Variants in CDH23 observed in about 807,000 individuals in gnomAD.
The protein encoded by CDH23 is cadherin-23.
A neutral mutation model predicts 317.1 loss-of-function variants in CDH23; 189 were observed. The observed-to-expected ratio is 0.60, with a 90% CI of 0.53 to 0.67. CDH23 has a LOEUF of 0.67. CDH23 is among the 30% of genes least tolerant of loss of function. CDH23 has a pLI of 0.00. For synonymous variants in CDH23, 1,839 were observed against 1,876.8 expected (o/e 0.98, Z 0.52); for missense variants, 4,401 against 4,592.4 (o/e 0.96, Z 1.20).
chr10:71,712,522 G>A lies in CDH23; in HGVS notation c.3221-143G>A, dbSNP rs1200184147. The A allele has an allele frequency of 3.9e-6, 3 of 767,870 alleles. No homozygotes were observed. In the East Asian group the frequency reaches 8.1e-5, roughly 21 times the overall value. 47.6% of individuals were successfully genotyped at this position (767,870 alleles called of 1,614,324 possible). A position where few individuals can be genotyped will look rare whatever the true frequency, so the allele number is the denominator to read the frequency against. ...GTTAGTGTTATTCCTAAGCTAAAAA[G>A]GAAGTCACCCCTTGCAAAGGCTAGG... On this transcript the variant is annotated intron_variant, in intron 27 of 69. Coordinates refer to ENST00000224721, the MANE Select transcript of CDH23 (RefSeq NM_022124.6).
chr10:71,642,703 G>A (rs140205235), intron 11 of CDH23, among the ~76,000 whole-genome samples: 5 of 152,266 alleles, frequency 3.3e-5, no homozygotes, highest in African/African-American at 1.2e-4. Context: ...CCCGGCCTGG[G>A]CCCGGCCTCT....
At position 71,675,140 on chromosome 10, in the gene CDH23, G is replaced by A. The variant is rs397517308; in HGVS notation, c.1478G>A (p.Gly493Glu). Residue 493 changes from glycine to glutamate, a missense_variant, in exon 15 of 70, where the codon GGG becomes GAG. Around this residue, in one of 3 missense-constraint regions of CDH23, gnomAD observed 3,068 missense variants for 3,203.3 expected, o/e 0.96. Transcript: ENST00000224721. ...ACTGACAATGATGCAGGCACCTTTG[G>A]GGAAGTCAGCTACTTCTTCAGTGAT... ...LATDNDAGTF[G>E]EVSYFFSDDP... The A allele has an allele frequency of 9.9e-6, 16 of 1,613,872 alleles. No individual in the cohort carries two copies. Among genetic ancestry groups the A allele is most frequent in the Non-Finnish European group, 1.3e-5 (15 of 1,179,880 alleles).
chr10:71,574,619 T>C (rs1231946495), intron 8 of CDH23, among the ~76,000 whole-genome samples: 1 of 151,922 alleles, frequency 6.6e-6, no homozygotes, highest in African/African-American at 2.4e-5. Context: ...GGGTAGGGGG[T>C]GTCCCGGCTG....
At chr10:71,585,083 G>C in intron 9 of CDH23, among the ~76,000 whole-genome samples, 1 of 152,198 alleles carries the variant, frequency 6.6e-6, no homozygotes, top group East Asian at 1.9e-4. Flanking sequence ...AGGGCGATCT[G>C]CTAACAGGCT....
chr10:71,490,993 G>A (rs1174606358), intron 3 of CDH23, among the ~76,000 whole-genome samples: 1 of 152,080 alleles, frequency 6.6e-6, no homozygotes, highest in Non-Finnish European at 1.5e-5. Context: ...CTGGACAACA[G>A]AGCGAGACTC....
At chr10:71,504,023 A>G (rs116650477) in intron 3 of CDH23, among the ~76,000 whole-genome samples, 2,594 of 151,834 alleles carry the variant, frequency 0.017, 58 homozygotes, top group African/African-American at 0.054. Context: ...AGAAATGGTC[A>G]ATTTAAGGTT....
At chr10:71,435,610 C>T (rs1034916211) in intron 1 of CDH23, among the ~76,000 whole-genome samples, 1 of 152,200 alleles carries the variant, frequency 6.6e-6, no homozygotes, top group Admixed American at 6.5e-5. Flanking sequence ...GCACCTATCC[C>T]AGGTCCAAGC....
chr10:71,584,592 C>G (rs146105670), intron 9 of CDH23, among the ~76,000 whole-genome samples: 9 of 110,198 alleles, frequency 8.2e-5, no homozygotes, highest in Non-Finnish European at 1.7e-4. Flanking sequence ...GGAGAATAAT[C>G]AGATACAGTC....
At chr10:71,706,578 G>T (rs1865795876) in intron 25 of CDH23, among the ~76,000 whole-genome samples, 1 of 152,240 alleles carries the variant, frequency 6.6e-6, no homozygotes, top group South Asian at 2.1e-4. Flanking sequence ...TGTCCGTGTT[G>T]CCATGGTCGT....
At chr10:71,755,922 G>A (rs1341323781) in intron 38 of CDH23, among the ~76,000 whole-genome samples, 1 of 152,130 alleles carries the variant, frequency 6.6e-6, no homozygotes, top group Non-Finnish European at 1.5e-5. Flanking sequence ...TGTAATTAAT[G>A]CCACCAAACT....
At chr10:71,644,084 C>T (rs1031648406) in intron 12 of CDH23, among the ~76,000 whole-genome samples, 9 of 152,280 alleles carry the variant, frequency 5.9e-5, no homozygotes, top group Admixed American at 3.9e-4. Flanking sequence ...AGTGCCCCTT[C>T]GGGCATTTAA....
intron 55 of CDH23, among the ~76,000 whole-genome samples, chr10:71,804,851 C>A (rs555574412): frequency 6.6e-6 from 1 of 152,224 alleles, no homozygotes; most frequent in Admixed American, 6.5e-5. Context: ...TGCATTAAAT[C>A]TCTTTTGTGG....
At chr10:71,490,592 GT>G (rs1255210476) in intron 3 of CDH23, among the ~76,000 whole-genome samples, 7 of 152,244 alleles carry the variant, frequency 4.6e-5, no homozygotes, top group Non-Finnish European at 7.3e-5. Flanking sequence ...CTGAACAGTA[GT>G]TGATAGCTGA....
chr10:71,450,767 G>A (rs534994742), intron 3 of CDH23, among the ~76,000 whole-genome samples: 9 of 152,128 alleles, frequency 5.9e-5, no homozygotes, highest in Non-Finnish European at 1.0e-4. Context: ...GGGCCCCAGG[G>A]CTCAGCTCTT....
Position 71,797,065 on chromosome 10 carries a change from G to C in CDH23, c.6713-39G>C, listed in dbSNP as rs757833676. ...CCCTGGGAAGGGCAGATTTTAGGGG[G>C]TTCTTCTCAGGCTGAACCTGGCCTG... On this transcript the variant is annotated intron_variant, in intron 48 of 69. Coordinates refer to ENST00000224721, the MANE Select transcript of CDH23 (RefSeq NM_022124.6). 1.5e-5 allele frequency: 21 copies of C among 1,400,732 alleles called. No individual in the cohort carries two copies. In the South Asian group the frequency reaches 2.0e-4, roughly 14 times the overall value. 86.8% of individuals were successfully genotyped at this position (1,400,732 alleles called of 1,614,324 possible). A position where few individuals can be genotyped will look rare whatever the true frequency, so the allele number is the denominator to read the frequency against.
chr10:71,584,542 C>CTGTGTGTGTATGTGTG, intron 9 of CDH23, among the ~76,000 whole-genome samples: 1 of 145,766 alleles, frequency 6.9e-6, no homozygotes, highest in Non-Finnish European at 1.5e-5. Context: ...GAAGGGAAGT[C>CTGTGTGTGTATGTGTG]TGTGTGTGTG....
intron 12 of CDH23, among the ~76,000 whole-genome samples, chr10:71,644,428 A>G (rs903735075): frequency 2.6e-5 from 4 of 152,278 alleles, no homozygotes; most frequent in African/African-American, 9.6e-5. Flanking sequence ...GCATGCATTC[A>G]TTCCACAAGT....
At chr10:71,489,269 T>C (rs1429303804) in intron 3 of CDH23, among the ~76,000 whole-genome samples, 1 of 152,240 alleles carries the variant, frequency 6.6e-6, no homozygotes, top group Non-Finnish European at 1.5e-5. Flanking sequence ...GTATTTTCCA[T>C]CTCTAACCCC....
chr10:71,730,630 G>A (rs1476920942), intron 31 of CDH23, 26 bp downstream of exon 31: 24 of 1,612,714 alleles, frequency 1.5e-5, no homozygotes, highest in Non-Finnish European at 1.9e-5. Flanking sequence ...GGAAGCCGGG[G>A]ATCCCATTGC....
Sources: allele counts gnomAD v4.1 joint callset (sites outside exome capture counted in the v4.1 genomes callset), GRCh38; gene constraint gnomAD v4.1.1; regional missense constraint gnomAD v4.1.1; transcripts MANE v1.5; gene names NCBI Gene and HGNC (gene_info 2026-07-23, HGNC 2026-07-21).